EPHA6: variants seen among roughly 807,000 people sequenced by gnomAD.
EPHA6 encodes the protein ephrin type-A receptor 6.
Under a neutral mutation model 112.0 loss-of-function variants are expected in EPHA6, and 50 were observed. The ratio of observed to expected loss-of-function variants is 0.45; its 90% CI spans 0.36 to 0.56. The LOEUF (loss-of-function observed/expected upper bound fraction) is 0.56, where lower values mean the gene tolerates loss of function less well. EPHA6 is among the 20% of genes least tolerant of loss of function. The pLI, the probability that EPHA6 is intolerant of heterozygous loss-of-function variation, is 0.00. For synonymous variants in EPHA6, 529 were observed against 490.7 expected (o/e 1.08, Z -1.03); for missense variants, 1,280 against 1,417.4 (o/e 0.90, Z 1.56).
chr3:97,437,303 G>C (rs189395708), intron 6 of EPHA6, among the ~76,000 whole-genome samples: 5 of 151,966 alleles, frequency 3.3e-5, no homozygotes, highest in Non-Finnish European at 7.4e-5. Flanking sequence ...TTTTCAATCC[G>C]CATCCCAAAA....
At chr3:97,294,178 G>C (rs2080796311) in intron 5 of EPHA6, among the ~76,000 whole-genome samples, 1 of 152,156 alleles carries the variant, frequency 6.6e-6, no homozygotes, top group African/African-American at 2.4e-5. Flanking sequence ...TGGGAGCGCA[G>C]GGCTCCTGCT....
intron 2 of EPHA6, among the ~76,000 whole-genome samples, chr3:96,876,294 T>G (rs1385217113): frequency 6.6e-6 from 1 of 151,878 alleles, no homozygotes; most frequent in Non-Finnish European, 1.5e-5. Flanking sequence ...ACTCTTATTT[T>G]CTACAGACAA....
chr3:96,852,103 G>A (rs2035425309), intron 1 of EPHA6, among the ~76,000 whole-genome samples: 1 of 152,084 alleles, frequency 6.6e-6, no homozygotes, highest in African/African-American at 2.4e-5. Flanking sequence ...TACAATGTGT[G>A]ATATTTTGGA....
chr3:97,063,553 G>A (rs1469122326), intron 3 of EPHA6, among the ~76,000 whole-genome samples: 1 of 152,138 alleles, frequency 6.6e-6, no homozygotes, highest in African/African-American at 2.4e-5. Context: ...CTATGGTGGG[G>A]AAGAAGGGAG....
In EPHA6 at chr3:97,760,381, T is replaced by G. The variant is rs537347372; in HGVS notation, c.*11680T>G. 6.2e-6 allele frequency: 1 copy of G among 160,786 alleles called. No homozygotes were observed. The highest frequency in any genetic ancestry group is 1.3e-4 in the East Asian group (1 of 7,710). The allele number at this position is 160,786 out of a possible 1,614,324, so 10.0% of individuals were successfully genotyped here. ...TATATGTATATATACCATATGTATA[T>G]ATACATATGTATGTGTGTATGTGTG... On this transcript the variant is annotated 3_prime_UTR_variant, in exon 18 of 18. Transcript: ENST00000389672.
At chr3:97,649,369 C>T (rs552458278) in intron 14 of EPHA6, among the ~76,000 whole-genome samples, 5 of 152,136 alleles carry the variant, frequency 3.3e-5, no homozygotes, top group African/African-American at 9.6e-5. Context: ...ACCCTTGACA[C>T]GTGGGGATTA....
chr3:96,922,112 G>T (rs905696096), intron 2 of EPHA6, among the ~76,000 whole-genome samples: 9 of 152,006 alleles, frequency 5.9e-5, no homozygotes, highest in African/African-American at 2.2e-4. Flanking sequence ...AAAAATATTA[G>T]CTATTGTACC....
chr3:97,461,787 T>G (rs1222123561), intron 7 of EPHA6, among the ~76,000 whole-genome samples: 1 of 152,110 alleles, frequency 6.6e-6, no homozygotes, highest in Non-Finnish European at 1.5e-5. Flanking sequence ...TTCCCCAAGG[T>G]ATGTTGACCT....
Position 97,434,349 on chromosome 3 carries a change from C to G in EPHA6, c.1732-14219C>G, listed in dbSNP as rs72928225. ...TTTTGAGAGTTCTTCATGCCTACAA[C>G]ATAGTAAGCAGTATGAAAGTGTTCA... On this transcript the variant is annotated intron_variant, in intron 6 of 17. Coordinates refer to ENST00000389672, the MANE Select transcript of EPHA6 (RefSeq NM_001080448.3). 7.5e-3 allele frequency among the ~76,000 whole-genome samples: 1,142 copies of G among 152,138 alleles called. 13 individuals are homozygous for G. The highest frequency in any genetic ancestry group is 0.02 in the African/African-American group (848 of 41,504).
chr3:97,163,014 T>TG (rs1242976063), intron 3 of EPHA6, among the ~76,000 whole-genome samples: 3 of 152,156 alleles, frequency 2.0e-5, no homozygotes, highest in Non-Finnish European at 4.4e-5. Flanking sequence ...TGGAACTGAT[T>TG]ACTTCCATTG....
intron 5 of EPHA6, among the ~76,000 whole-genome samples, chr3:97,340,626 T>C (rs1190815258): frequency 6.6e-6 from 1 of 152,132 alleles, no homozygotes; most frequent in African/African-American, 2.4e-5. Context: ...GCTAAAACAT[T>C]TAATTTCCCC....
At chr3:97,005,869 G>C (rs960763720) in intron 3 of EPHA6, among the ~76,000 whole-genome samples, 1 of 152,158 alleles carries the variant, frequency 6.6e-6, no homozygotes, top group Non-Finnish European at 1.5e-5. Flanking sequence ...CATCTATTGA[G>C]ATAATCATGT....
rs199642939 is a variant in EPHA6 at position 97,365,244 on chromosome 3, TA to T, written c.1607-39898del. On this transcript the variant is annotated intron_variant, in intron 5 of 17. Transcript: ENST00000389672. ...ACTTAGATACATTTTTAAAGACTTT[TA>T]AAAAAAATTGGAATAAAGAGGTTTC... Among the ~76,000 whole-genome samples the T allele has an allele frequency of 9.7e-3, 1,475 of 152,152 alleles. 20 individuals are homozygous for T. Among genetic ancestry groups the T allele is most frequent in the African/African-American group, 0.033 (1,356 of 41,532 alleles).
Position 97,736,069 on chromosome 3 carries a change from C to T in EPHA6, c.3079C>T (p.Leu1027=), listed in dbSNP as rs761454011. The change falls in exon 16 of 18, where the codon CTG becomes TTG. Residue 1027 remains leucine, a synonymous_variant. Transcript: ENST00000389672. ...TGACATTGTCAGCTTCCTTGACAAA[C>T]TGATCCGAAATCCCAGTGCCCTTCA... The part of the protein sequence containing the change: ...FTDIVSFLDK[L]IRNPSALHTL... 3.7e-6 allele frequency: 6 copies of T among 1,612,406 alleles called. No individual in the cohort carries two copies. Among genetic ancestry groups the T allele is most frequent in the South Asian group, 2.2e-5 (2 of 91,020 alleles).
chr3:97,238,522 G>A (rs1439522179), intron 4 of EPHA6, among the ~76,000 whole-genome samples: 1 of 151,902 alleles, frequency 6.6e-6, no homozygotes, highest in African/African-American at 2.4e-5. Context: ...AGTGTAATAT[G>A]TGCATTATTT....
At chr3:97,343,033 T>C (rs1011322860) in intron 5 of EPHA6, among the ~76,000 whole-genome samples, 12 of 152,118 alleles carry the variant, frequency 7.9e-5, no homozygotes, top group Admixed American at 7.2e-4. Flanking sequence ...TTGAGGTATG[T>C]GCTAGAAAAA....
intron 3 of EPHA6, among the ~76,000 whole-genome samples, chr3:97,100,310 A>G (rs1318481839): frequency 6.6e-6 from 1 of 151,040 alleles, no homozygotes; most frequent in Admixed American, 6.6e-5. Flanking sequence ...TTGATGACAC[A>G]ATAGTAAAGA....
At chr3:96,935,882 C>T (rs946728407) in intron 2 of EPHA6, among the ~76,000 whole-genome samples, 2 of 151,598 alleles carry the variant, frequency 1.3e-5, no homozygotes, top group Non-Finnish European at 2.9e-5. Flanking sequence ...TAATATGACA[C>T]GAGAGGACTC....
At chr3:96,978,009 A>T (rs1227610916) in intron 2 of EPHA6, among the ~76,000 whole-genome samples, 1 of 151,930 alleles carries the variant, frequency 6.6e-6, no homozygotes. Flanking sequence ...AAATACAAAA[A>T]ATTAGCTGGG....
Sources: gnomAD v4.1 joint callset for allele counts (sites outside exome capture counted in the v4.1 genomes callset) on GRCh38, gnomAD v4.1.1 for gene constraint, MANE v1.5 for transcripts, NCBI Gene and HGNC (gene_info 2026-07-23, HGNC 2026-07-21) for gene names.